The following ARFGEF1 variants were observed in gnomAD, a reference collection of about 807,000 sequenced individuals.
The protein encoded by ARFGEF1 is ARF guanine nucleotide exchange factor 1, also known as brefeldin A-inhibited guanine nucleotide-exchange protein 1.
In ARFGEF1, 42 loss-of-function variants were observed where a neutral mutation model predicts 231.0. That is an observed-to-expected ratio of 0.18 (90% CI 0.14 to 0.24). The LOEUF is 0.24. Among genes scored for constraint, ARFGEF1 ranks in the 10% least tolerant of loss-of-function variants. The probability of loss-of-function intolerance (pLI) is 1.00; values close to 1 mark genes in which losing one functional copy is unlikely to be tolerated. For synonymous variants in ARFGEF1, 710 were observed against 732.3 expected, an observed-to-expected ratio of 0.97 and a Z score of 0.49; for missense variants, 1,345 against 2,192.0, an observed-to-expected ratio of 0.61 and a Z score of 7.72.
chr8:67,319,341 A>G (rs2128926415), intron 1 of ARFGEF1, among the ~76,000 whole-genome samples: 1 of 152,294 alleles, frequency 6.6e-6, no homozygotes, highest in East Asian at 1.9e-4. Flanking sequence ...AATAATCAAA[A>G]CAATGTAGTG....
intron 30 of ARFGEF1, among the ~76,000 whole-genome samples, chr8:67,218,854 G>A (rs1839048321): frequency 6.6e-6 from 1 of 152,134 alleles, no homozygotes; most frequent in Non-Finnish European, 1.5e-5. Flanking sequence ...GAAAGTTACT[G>A]ATGTTTTATA....
chr8:67,191,261 C>T (rs1364822652), intron 5 of ARFGEF1, among the ~76,000 whole-genome samples: 1 of 152,202 alleles, frequency 6.6e-6, no homozygotes, highest in African/African-American at 2.4e-5. Flanking sequence ...GCAATGTCAC[C>T]TCCTTGTTGA....
intron 1 of ARFGEF1, among the ~76,000 whole-genome samples, chr8:67,334,136 CAAAAAAAAAAAAA>C (rs368714166): frequency 2.3e-5 from 1 of 43,732 alleles, no homozygotes; most frequent in Non-Finnish European, 5.1e-5. Context: ...AACTCCGTCT[CAAAAAAAAAAAAA>C]AAAAAAAAGA....
intron 14 of ARFGEF1, among the ~76,000 whole-genome samples, chr8:67,263,910 A>G (rs780734838): frequency 6.6e-6 from 1 of 152,192 alleles, no homozygotes; most frequent in Non-Finnish European, 1.5e-5. Flanking sequence ...AAGAACAATT[A>G]TATCTTTTAT....
chr8:67,206,753 G>A (rs1316365597), intron 34 of ARFGEF1, among the ~76,000 whole-genome samples: 1 of 152,220 alleles, frequency 6.6e-6, no homozygotes, highest in Non-Finnish European at 1.5e-5. Flanking sequence ...ATTCTCAGGG[G>A]CAGCTTTGGC....
intron 1 of ARFGEF1, among the ~76,000 whole-genome samples, chr8:67,329,197 G>C (rs1807981663): frequency 6.6e-6 from 1 of 152,124 alleles, no homozygotes; most frequent in Non-Finnish European, 1.5e-5. Flanking sequence ...CCGCACTCCA[G>C]CCTGGGCATC....
At chr8:67,189,632 ATAAT>A (rs1835652795) in intron 5 of ARFGEF1, among the ~76,000 whole-genome samples, 2 of 152,204 alleles carry the variant, frequency 1.3e-5, no homozygotes, top group South Asian at 2.1e-4. Flanking sequence ...TCTGAATGTT[ATAAT>A]TAGATTTTTG....
chr8:67,325,262 AC>A (rs1301180957), intron 1 of ARFGEF1, among the ~76,000 whole-genome samples: 1 of 151,708 alleles, frequency 6.6e-6, no homozygotes, highest in African/African-American at 2.4e-5. Flanking sequence ...TAATGGGCAT[AC>A]CCCATATACT....
In ARFGEF1 at chr8:67,217,944, T is replaced by C; in HGVS notation, c.4475-24A>G. The stretch of plus-strand genomic sequence containing the variant: ...GTCTAGGAAAGAAAAGAGCAATTCA[T>C]TTATATATTACCAGGGTCACATTTA... On this transcript the variant is annotated intron_variant, in intron 31 of 38. Coordinates refer to ENST00000262215, the MANE Select transcript of ARFGEF1 (RefSeq NM_006421.5). 3 of 1,612,970 alleles carry C rather than the reference T, an allele frequency of 1.9e-6. No individual in the cohort carries two copies. In the South Asian group the frequency reaches 3.3e-5, roughly 18 times the overall value.
intron 1 of ARFGEF1, among the ~76,000 whole-genome samples, chr8:67,307,552 A>G (rs1806806249): frequency 6.6e-6 from 1 of 152,182 alleles, no homozygotes; most frequent in African/African-American, 2.4e-5. Flanking sequence ...ATAACTGGAT[A>G]ATAGACGTAC....
intron 33 of ARFGEF1, among the ~76,000 whole-genome samples, chr8:67,214,437 T>C (rs1563840778): frequency 6.6e-6 from 1 of 152,186 alleles, no homozygotes; most frequent in African/African-American, 2.4e-5. Context: ...GAAGAAGATA[T>C]ATTGATGAAA....
intron 14 of ARFGEF1, among the ~76,000 whole-genome samples, chr8:67,265,761 C>A (rs1239449300): frequency 1.3e-5 from 2 of 151,938 alleles, no homozygotes; most frequent in Admixed American, 6.6e-5. Flanking sequence ...ACAGATGATA[C>A]CCATCAACAG....
chr8:67,318,239 G>GAAA (rs34563091), intron 1 of ARFGEF1, among the ~76,000 whole-genome samples: 8 of 78,168 alleles, frequency 1.0e-4, no homozygotes, highest in South Asian at 4.2e-4. Context: ...TCCGTCTCAA[G>GAAA]AAAAAAAAAA....
intron 14 of ARFGEF1, among the ~76,000 whole-genome samples, chr8:67,260,945 C>T (rs1349137847): frequency 1.3e-5 from 2 of 152,196 alleles, no homozygotes; most frequent in Non-Finnish European, 2.9e-5. Context: ...TCAAACCAGT[C>T]ACAACATTAC....
Position 67,318,263 on chromosome 8 carries a change from AAAG to A in ARFGEF1, c.125-15800_125-15798del, listed in dbSNP as rs1016533905. Among the ~76,000 whole-genome samples the A allele has an allele frequency of 6.1e-3, 915 of 150,928 alleles. 7 individuals carry two copies. The highest frequency in any genetic ancestry group is 0.021 in the African/African-American group (875 of 41,198). ...AGAAAAAAAAAAAAAAAAAAAGGCTAAAGAAGAAAAAAATCACATGATCATTTC... is the reference window on the plus strand; with the variant it reads ...AGAAAAAAAAAAAAAAAAAAAGGCTAAAGAAAAAAATCACATGATCATTTC... On this transcript the variant is annotated intron_variant, in intron 1 of 38. Coordinates refer to ENST00000262215, the MANE Select transcript of ARFGEF1 (RefSeq NM_006421.5).
In ARFGEF1 at chr8:67,243,838, G is replaced by A. The variant is rs1407741823; in HGVS notation, c.2851-3548C>T. Reference sequence around the variant, plus strand: ...ACAGAGAATTCAAAAGAGCTGTTTTGAGGAAACTCAAATAAATTCAAGGTA... The same window carrying A: ...ACAGAGAATTCAAAAGAGCTGTTTTAAGGAAACTCAAATAAATTCAAGGTA... On this transcript the variant is annotated intron_variant, in intron 19 of 38. Transcript: ENST00000262215. 2.0e-5 allele frequency among the ~76,000 whole-genome samples: 3 copies of A among 152,134 alleles called. No individual in the cohort carries two copies. In the East Asian group the frequency reaches 5.8e-4, roughly 29 times the overall value.
rs1804840925 is a variant in ARFGEF1 at position 67,266,178 on chromosome 8, T to C, written c.1951A>G (p.Ser651Gly). The change falls in exon 14 of 39, where the codon AGT (serine) becomes GGT (glycine). Residue 651 changes from serine to glycine, a missense_variant. This residue lies in a region of ARFGEF1 where 105 missense variants were observed against 159.3 expected (regional missense o/e 0.66). Transcript: ENST00000262215. ...GQEKPSEQEM[S>G]EIKHPETINR... The stretch of plus-strand genomic sequence containing the variant: ...ATTGTCTCAGGGTGTTTGATTTCAC[T>C]CATCTCTTGCTCTGAGGGTTTTTCC... 6.2e-7 allele frequency: 1 copy of C among 1,613,532 alleles called. No individual in the cohort carries two copies. Among genetic ancestry groups the C allele is most frequent in the Non-Finnish European group, 8.5e-7 (1 of 1,179,818 alleles).
In ARFGEF1 at chr8:67,302,463, T is replaced by C; in HGVS notation, c.128A>G (p.Glu43Gly). ...LRKACEVALE[E>G]IKAETEKQSP... ...CTGTTTTTCAGTTTCCGCTTTTATT[T>C]CCTCTGAGGGGAAAAAAAAAGAAGC... Residue 43 changes from glutamate to glycine, a missense_variant, in exon 2 of 39, where the codon GAA (glutamate) becomes GGA (glycine). Transcript: ENST00000262215. The C allele has an allele frequency of 1.3e-6, 2 of 1,566,600 alleles. No individual in the cohort carries two copies. Among genetic ancestry groups the C allele is most frequent in the African/African-American group, 1.4e-5 (1 of 72,688 alleles).
chr8:67,241,473 TG>T (rs893881144), intron 19 of ARFGEF1, among the ~76,000 whole-genome samples: 2 of 151,540 alleles, frequency 1.3e-5, no homozygotes, highest in African/African-American at 2.4e-5. Flanking sequence ...CTTAAGGCAG[TG>T]AAAAAAAAAA....
Sources: allele counts gnomAD v4.1 joint callset (sites outside exome capture counted in the v4.1 genomes callset), GRCh38; gene constraint gnomAD v4.1.1; regional missense constraint gnomAD v4.1.1; transcripts MANE v1.5; gene names NCBI Gene and HGNC (gene_info 2026-07-23, HGNC 2026-07-21).